Variants in MROH9 observed in about 807,000 individuals in gnomAD.
MROH9 encodes maestro heat like repeat family member 9.
A neutral mutation model predicts 98.2 loss-of-function variants in MROH9; 92 were observed. The ratio of observed to expected loss-of-function variants is 0.94; its 90% confidence interval spans 0.79 to 1.11. The LOEUF (loss-of-function observed/expected upper bound fraction) is 1.11. Ranked by LOEUF, MROH9 falls within the 50% of genes most tolerant of loss-of-function variation. The pLI, the probability that MROH9 is intolerant of heterozygous loss-of-function variation, is 0.00. For missense variants in MROH9, 1,057 were observed against 1,014.8 expected (o/e 1.04, Z -0.57); for synonymous variants, 397 against 368.9 (o/e 1.08, Z -0.87).
chr1:170,945,648 C>G (rs1649301838), intron 2 of MROH9, 67 bp downstream of exon 2: 1 of 1,367,374 alleles, frequency 7.3e-7, no homozygotes, highest in Non-Finnish European at 1.0e-6. Flanking sequence ...GTATGAGTGA[C>G]AGATGACAGA....
Position 170,971,879 on chromosome 1 carries a change from G to GA in MROH9, c.614dup (p.Asn205LysfsTer7), listed in dbSNP as rs1204297033. 8.7e-6 allele frequency: 14 copies of GA among 1,613,750 alleles called. No homozygotes were observed. The highest frequency in any genetic ancestry group is 1.2e-5 in the Non-Finnish European group (14 of 1,179,734). ...ACCTCCTCTACATTGCACGGTGTCA[G>GA]AACGGTAAGAACAGTTCACCATCTT... On this transcript the variant is annotated frameshift_variant, in exon 8 of 22. Transcript: ENST00000367759. LOFTEE classifies it high-confidence loss of function.
intron 3 of MROH9, 125 bp downstream of exon 3, chr1:170,947,698 GA>G (rs576532203): frequency 7.5e-5 from 61 of 810,440 alleles, no homozygotes; most frequent in African/African-American, 1.1e-4. Flanking sequence ...GGAGAAAGGG[GA>G]AAAAAAGGCA....
intron 8 of MROH9, among the ~76,000 whole-genome samples, chr1:170,977,581 G>A (rs1360890310): frequency 1.3e-5 from 2 of 152,160 alleles, no homozygotes; most frequent in African/African-American, 4.8e-5. Context: ...CTCTTGCTCA[G>A]TTGTGGCTCC....
chr1:170,954,704 C>A (rs1649694166), intron 3 of MROH9, among the ~76,000 whole-genome samples: 2 of 151,902 alleles, frequency 1.3e-5, no homozygotes, highest in African/African-American at 4.8e-5. Context: ...TAATACTTAT[C>A]CTAACAGGTG....
chr1:170,980,218 A>T (rs1488411148), intron 8 of MROH9, among the ~76,000 whole-genome samples: 1 of 152,178 alleles, frequency 6.6e-6, no homozygotes, highest in Non-Finnish European at 1.5e-5. Context: ...GACATTCTTC[A>T]CACGATTAGA....
intron 20 of MROH9, among the ~76,000 whole-genome samples, chr1:171,046,690 G>A (rs1433310257): frequency 6.6e-6 from 1 of 152,100 alleles, no homozygotes; most frequent in South Asian, 2.1e-4. Flanking sequence ...GATAAGAATA[G>A]TTTATATACC....
intron 3 of MROH9, 99 bp from the exon 4 acceptor site, chr1:170,958,362 A>G (rs1223372263): frequency 4.9e-6 from 3 of 616,262 alleles, no homozygotes; most frequent in South Asian, 3.0e-5. Context: ...TGGTTCCTTT[A>G]GTCTCTGTAA....
chr1:170,994,983 G>A (rs760224469), intron 12 of MROH9, among the ~76,000 whole-genome samples: 3 of 151,816 alleles, frequency 2.0e-5, no homozygotes, highest in African/African-American at 4.8e-5. Context: ...CAAATGATCT[G>A]TTGGTGACCT....
chr1:171,058,427 G>A (rs56784659), intron 20 of MROH9, among the ~76,000 whole-genome samples: 9,885 of 150,482 alleles, frequency 0.066, 1,081 homozygotes, highest in African/African-American at 0.23. Context: ...ACTGCCCAAA[G>A]TAATTTATAG....
At chr1:171,043,149 G>C (rs1430513559) in intron 20 of MROH9, among the ~76,000 whole-genome samples, 1 of 152,074 alleles carries the variant, frequency 6.6e-6, no homozygotes, top group Non-Finnish European at 1.5e-5. Context: ...AATCCATTTT[G>C]GCTTGATTCT....
At chr1:171,039,037 C>T (rs1653203442) in intron 20 of MROH9, among the ~76,000 whole-genome samples, 1 of 152,138 alleles carries the variant, frequency 6.6e-6, no homozygotes, top group Admixed American at 6.6e-5. Flanking sequence ...GCCTGTACTT[C>T]CTGTTCACCA....
intron 15 of MROH9, among the ~76,000 whole-genome samples, chr1:171,005,675 T>A (rs1651930846): frequency 6.6e-6 from 1 of 152,156 alleles, no homozygotes; most frequent in Non-Finnish European, 1.5e-5. Flanking sequence ...TTTTATGGAG[T>A]CATTATGGTT....
intron 20 of MROH9, among the ~76,000 whole-genome samples, chr1:171,047,998 A>G (rs549455059): frequency 6.3e-4 from 96 of 152,268 alleles, no homozygotes; most frequent in African/African-American, 2.2e-3. Flanking sequence ...CTTTTTGCCA[A>G]ACAAACATAT....
chr1:170,988,586 G>A (rs890477374), intron 10 of MROH9, among the ~76,000 whole-genome samples: 3 of 152,048 alleles, frequency 2.0e-5, no homozygotes, highest in African/African-American at 4.8e-5. Flanking sequence ...TGAACAAAAT[G>A]GGCTCCTCAA....
At chr1:170,983,237 A>G (rs948886768) in intron 8 of MROH9, among the ~76,000 whole-genome samples, 185 bp from the exon 9 acceptor site, 2 of 152,212 alleles carry the variant, frequency 1.3e-5, no homozygotes, top group African/African-American at 4.8e-5. Context: ...ACTCTCTTAA[A>G]CACTTTATGA....
chr1:171,059,159 A>G (rs2101876067), intron 20 of MROH9, among the ~76,000 whole-genome samples: 1 of 151,946 alleles, frequency 6.6e-6, no homozygotes, highest in Non-Finnish European at 1.5e-5. Context: ...AACAAGTATC[A>G]ATAGCTGAAT....
chr1:170,946,065 T>A (rs1266749147), intron 2 of MROH9, among the ~76,000 whole-genome samples: 2 of 151,806 alleles, frequency 1.3e-5, no homozygotes. Flanking sequence ...AATCAAGTAT[T>A]GAAAGCAAGA....
intron 6 of MROH9, among the ~76,000 whole-genome samples, chr1:170,963,560 T>C (rs1650111132): frequency 6.6e-6 from 1 of 152,138 alleles, no homozygotes; most frequent in Admixed American, 6.6e-5. Flanking sequence ...CTATTCATAA[T>C]AGCAAAGACA....
chr1:171,037,989 CAAATT>C (rs1269491532), intron 20 of MROH9, among the ~76,000 whole-genome samples: 3 of 151,696 alleles, frequency 2.0e-5, no homozygotes, highest in Non-Finnish European at 1.5e-5. Flanking sequence ...TAAATAAAAT[CAAATT>C]AAATAATTTG....
Sources: allele counts gnomAD v4.1 joint callset (sites outside exome capture counted in the v4.1 genomes callset), GRCh38; gene constraint gnomAD v4.1.1; transcripts MANE v1.5; gene names NCBI Gene and HGNC (gene_info 2026-07-23, HGNC 2026-07-21).